TP53BP1: variants seen among roughly 807,000 people sequenced by gnomAD.
TP53BP1 encodes the protein TP53-binding protein 1.
A neutral mutation model predicts 200.8 loss-of-function variants in TP53BP1; 61 were observed. The ratio of observed to expected loss-of-function variants is 0.30; its 90% confidence interval spans 0.25 to 0.38. The LOEUF is 0.38. Ranked by LOEUF, TP53BP1 falls within the 10% of genes least tolerant of loss-of-function variation. The probability of loss-of-function intolerance (pLI) is 1.00; values close to 1 mark genes in which losing one functional copy is unlikely to be tolerated. For missense variants in TP53BP1, 2,144 were observed against 2,371.9 expected (o/e 0.90, Z 2.00); for synonymous variants, 822 against 844.3 (o/e 0.97, Z 0.46).
Position 43,456,825 on chromosome 15 carries a change from C to T in TP53BP1, c.1783G>A (p.Asp595Asn). 1 of 1,613,958 alleles carries T rather than the reference C, an allele frequency of 6.2e-7. No individual in the cohort carries two copies. The highest frequency in any genetic ancestry group is 8.5e-7 in the Non-Finnish European group (1 of 1,180,044). The change falls in exon 12 of 28, where the codon GAT becomes AAT. Residue 595 changes from aspartate (D) to asparagine (N), a missense_variant. By Grantham distance (23) the Asp-to-Asn change is conservative. Coordinates refer to ENST00000382044, the MANE Select transcript of TP53BP1 (RefSeq NM_001141980.3). Reference sequence around the variant, plus strand: ...CTAATGTCATCCCTGGTGTCTGTATCATCTCCCTTTGTTTTGTCATCATTC... The same window carrying T: ...CTAATGTCATCCCTGGTGTCTGTATTATCTCCCTTTGTTTTGTCATCATTC... ...SQNDDKTKGD[D>N]TDTRDDISIL...
chr15:43,432,747 G>C, intron 16 of TP53BP1, 70 bp from the exon 17 acceptor site: 3 of 1,486,722 alleles, frequency 2.0e-6, no homozygotes, highest in Non-Finnish European at 2.7e-6. Context: ...GTGTGTGCGT[G>C]TGCATGTGTG....
In TP53BP1 at chr15:43,433,911, C is replaced by T. The variant is rs45606934; in HGVS notation, c.3192-1234G>A. On this transcript the variant is annotated intron_variant, in intron 16 of 27. Coordinates refer to ENST00000382044, the MANE Select transcript of TP53BP1 (RefSeq NM_001141980.3). ...TATCCTTAGGATCTCAGCTTTCCTA[C>T]GTAGACAGGGTAAAGGAAGCAGGAA... 7.9e-4 allele frequency among the ~76,000 whole-genome samples: 121 copies of T among 152,220 alleles called. 2 individuals carry two copies. In the East Asian group the frequency reaches 0.02, roughly 25 times the overall value.
At chr15:43,454,057 T>G (rs1246890945) in intron 12 of TP53BP1, among the ~76,000 whole-genome samples, 1 of 151,404 alleles carries the variant, frequency 6.6e-6, no homozygotes, top group African/African-American at 2.4e-5. Context: ...ATACAAAAAT[T>G]AGCTGGGCAT....
At chr15:43,451,453 C>T (rs1169179011) in intron 12 of TP53BP1, among the ~76,000 whole-genome samples, 4 of 151,458 alleles carry the variant, frequency 2.6e-5, no homozygotes, top group East Asian at 3.9e-4. Flanking sequence ...TTTGTCCTTG[C>T]GATAGTTTAC....
At chr15:43,434,679 C>T (rs2045749597) in intron 16 of TP53BP1, among the ~76,000 whole-genome samples, 1 of 152,178 alleles carries the variant, frequency 6.6e-6, no homozygotes, top group Non-Finnish European at 1.5e-5. Flanking sequence ...TCACCAGACA[C>T]CAAATCTGCC....
At chr15:43,446,783 A>C (rs2046051736) in intron 13 of TP53BP1, 193 bp from the exon 14 acceptor site, 2 of 1,509,890 alleles carry the variant, frequency 1.3e-6, no homozygotes, top group Admixed American at 4.2e-5. Flanking sequence ...TAAGAGGAGC[A>C]ACAGGATTCA....
intron 4 of TP53BP1, among the ~76,000 whole-genome samples, chr15:43,483,944 T>C (rs567967982): frequency 2.4e-4 from 36 of 152,350 alleles, no homozygotes; most frequent in Non-Finnish European, 4.7e-4. Flanking sequence ...TCCAGACTCA[T>C]GGTTTAGAAT....
chr15:43,435,965 G>A (rs979191539), intron 16 of TP53BP1, among the ~76,000 whole-genome samples: 3 of 151,708 alleles, frequency 2.0e-5, no homozygotes, highest in African/African-American at 4.8e-5. Context: ...CAAAGTGCTG[G>A]GATTACAGGT....
At position 43,407,515 on chromosome 15, in the gene TP53BP1, C is replaced by G. The variant is rs762293392; in HGVS notation, c.5802G>C (p.Ser1934=). Residue 1934 remains serine, a synonymous_variant, in exon 28 of 28, where the codon TCG becomes TCC. Transcript: ENST00000382044. ...VVVTDPSCPA[S]VLKCAEALQL... ...GCAATGCTTCAGCACACTTCAGCAC[C>G]GAGGCTGGGCATGAGGGGTCCGTCA... is the stretch of plus-strand genomic sequence containing the variant. The G allele has an allele frequency of 6.2e-7, 1 of 1,614,160 alleles. No individual in the cohort carries two copies. The highest frequency in any genetic ancestry group is 8.5e-7 in the Non-Finnish European group (1 of 1,180,030).
chr15:43,492,065 C>T lies in TP53BP1; in HGVS notation c.223G>A (p.Gly75Arg). The T allele has an allele frequency of 6.2e-7, 1 of 1,613,950 alleles. No homozygotes were observed. Among genetic ancestry groups the T allele is most frequent in the Non-Finnish European group, 8.5e-7 (1 of 1,179,860 alleles). ...DVVSNPEQTA[G>R]EERGDGNSGF... ...CTATTACCGTCTCCTCGTTCTTCTC[C>T]AGCTGTTTGTTCAGGATTGGACACA... is the stretch of plus-strand genomic sequence containing the variant. The change falls in exon 3 of 28, where the codon GGA (glycine) becomes AGA (arginine). Residue 75 changes from glycine to arginine, a missense_variant. Gly to Arg is a moderately radical substitution (Grantham distance 125, BLOSUM62 -2). Around this residue, in one of 4 missense-constraint regions of TP53BP1, gnomAD observed 1,700 missense variants for 1,710.3 expected, o/e 0.99. Coordinates refer to ENST00000382044, the MANE Select transcript of TP53BP1 (RefSeq NM_001141980.3).
Position 43,474,614 on chromosome 15 carries a change from C to G in TP53BP1, c.1180+59G>C, listed in dbSNP as rs368326438. On this transcript the variant is annotated intron_variant, in intron 10 of 27. Coordinates refer to ENST00000382044, the MANE Select transcript of TP53BP1 (RefSeq NM_001141980.3). ...CAAAGAAGTAGTACATTTTGCAAGG[C>G]AGAAAAAGTGTTGCTCCTCTTCTAA... 5.8e-6 allele frequency: 7 copies of G among 1,212,254 alleles called. No individual in the cohort carries two copies. The East Asian group carries it at 1.2e-4, about 20-fold the overall frequency. The allele number at this position is 1,212,254 out of a possible 1,614,324, so 75.1% of individuals were successfully genotyped here.
chr15:43,490,063 C>A (rs2140151388), intron 4 of TP53BP1, among the ~76,000 whole-genome samples: 1 of 151,936 alleles, frequency 6.6e-6, no homozygotes, highest in Non-Finnish European at 1.5e-5. Context: ...CAGGCACGGA[C>A]CACCATGCCC....
intron 14 of TP53BP1, among the ~76,000 whole-genome samples, chr15:43,445,286 G>A (rs2444029): frequency 0.28 from 42,880 of 151,900 alleles, 10,264 homozygotes; most frequent in African/African-American, 0.65. Flanking sequence ...TTGCCTCGCC[G>A]AAGTCAAAGT....
upstream of TP53BP1, among the ~76,000 whole-genome samples, chr15:43,497,013 C>T (rs990344951): frequency 2.0e-5 from 3 of 152,228 alleles, no homozygotes; most frequent in Admixed American, 6.5e-5. Context: ...CTGGCTTCAA[C>T]CTCCATAAAT....
intron 15 of TP53BP1, among the ~76,000 whole-genome samples, chr15:43,440,080 A>G (rs867674647): frequency 1.3e-5 from 2 of 152,218 alleles, no homozygotes; most frequent in Non-Finnish European, 2.9e-5. Flanking sequence ...TCAGAAACTC[A>G]CAAGTGAGGT....
chr15:43,436,298 C>G (rs1304464589), intron 16 of TP53BP1, among the ~76,000 whole-genome samples: 1 of 152,088 alleles, frequency 6.6e-6, no homozygotes, highest in African/African-American at 2.4e-5. Context: ...ATCACTGTTA[C>G]TGATATACCT....
intron 11 of TP53BP1, among the ~76,000 whole-genome samples, chr15:43,458,192 T>C (rs998015831): frequency 6.8e-6 from 1 of 146,950 alleles, no homozygotes; most frequent in African/African-American, 2.5e-5. Context: ...AGCACTTTAG[T>C]AGGCCAAGGC....
At chr15:43,447,276 A>G in intron 13 of TP53BP1, 90 bp downstream of exon 13, 1 of 1,405,686 alleles carries the variant, frequency 7.1e-7, no homozygotes. Context: ...TACCAGCCAG[A>G]CCCAACTCCT....
intron 4 of TP53BP1, among the ~76,000 whole-genome samples, chr15:43,488,284 T>G: frequency 1.4e-5 from 2 of 147,734 alleles, no homozygotes. Flanking sequence ...AGCAACAGAG[T>G]GAGGCCCTGT....
Sources: gnomAD v4.1 joint callset for allele counts (sites outside exome capture counted in the v4.1 genomes callset) on GRCh38, gnomAD v4.1.1 for gene constraint, gnomAD v4.1.1 regional missense constraint, MANE v1.5 for transcripts, NCBI Gene and HGNC (gene_info 2026-07-23, HGNC 2026-07-21) for gene names.